Variants in PAX3 observed in about 807,000 individuals in gnomAD.
PAX3 encodes the protein paired box 3.
Under a neutral mutation model 51.6 loss-of-function variants are expected in PAX3, and 14 were observed. The observed-to-expected ratio is 0.27, with a 90% CI of 0.18 to 0.42. PAX3 has a LOEUF of 0.42. Among genes scored for constraint, PAX3 ranks in the 10% least tolerant of loss-of-function variants. The pLI is 1.00. For synonymous variants in PAX3, 280 were observed against 253.4 expected, an observed-to-expected ratio of 1.11 and a Z score of -1.00; for missense variants, 540 against 642.8, an observed-to-expected ratio of 0.84 and a Z score of 1.73.
At chr2:222,277,751 T>C (rs1254828970) in intron 4 of PAX3, among the ~76,000 whole-genome samples, 2 of 151,960 alleles carry the variant, frequency 1.3e-5, no homozygotes, top group Admixed American at 6.5e-5. Flanking sequence ...CTGGCCAACA[T>C]GGTGAAACCC....
chr2:222,295,524 G>A lies in PAX3; in HGVS notation c.451+4C>T, dbSNP rs1435720692. 6.2e-7 allele frequency: 1 copy of A among 1,614,222 alleles called. No homozygotes were observed. The highest frequency in any genetic ancestry group is 1.1e-5 in the South Asian group (1 of 91,082). ...CCTCGGGGAGAGGTTAATGGGCCTA[G>A]TACCTGACGGCACGGTGTTTCGATC... On this transcript the variant is annotated splice_donor_region_variant and intron_variant, in intron 3 of 8. Coordinates refer to ENST00000392070, the MANE Select transcript of PAX3 (RefSeq NM_181458.4).
At position 222,221,269 on chromosome 2, in the gene PAX3, G is replaced by A. The variant is rs372190620; in HGVS notation, c.911C>T (p.Thr304Met). ...FPPTAMPTLP[T>M]YQLSETSYQP... ...GTAAGAGGTCTCCGACAGCTGGTACGTTGGCAAGGTCGGCATGGCAGTGGG... is the reference window on the plus strand; with the variant it reads ...GTAAGAGGTCTCCGACAGCTGGTACATTGGCAAGGTCGGCATGGCAGTGGG... The change falls in exon 6 of 9, where the codon ACG becomes ATG. Residue 304 changes from threonine (T) to methionine (M), a missense_variant. Transcript: ENST00000392070. 8.7e-6 allele frequency: 14 copies of A among 1,613,922 alleles called. No homozygotes were observed. Among genetic ancestry groups the A allele is most frequent in the Admixed American group, 3.3e-5 (2 of 59,992 alleles).
chr2:222,295,976 C>G (rs1453928143), intron 2 of PAX3, among the ~76,000 whole-genome samples: 1 of 152,168 alleles, frequency 6.6e-6, no homozygotes, highest in Non-Finnish European at 1.5e-5. Flanking sequence ...GGAAATAAGG[C>G]AACTGCTTAC....
Position 222,201,749 on chromosome 2 carries a change from T to C in PAX3, c.1420+195A>G, listed in dbSNP as rs1402800416. 2.7e-6 allele frequency: 4 copies of C among 1,475,034 alleles called. No homozygotes were observed. In the East Asian group the frequency reaches 7.4e-5, roughly 27 times the overall value. 91.4% of individuals were successfully genotyped at this position (1,475,034 alleles called of 1,614,324 possible). A position where few individuals can be genotyped will look rare whatever the true frequency, so the allele number is the denominator to read the frequency against. On this transcript the variant is annotated intron_variant, in intron 8 of 8. Coordinates refer to ENST00000392070, the MANE Select transcript of PAX3 (RefSeq NM_181458.4). ...GTCTCAACAATTAATAACCGCAAGATGTTGTTGACATCAGTTAAGAAAATA... is the reference window on the plus strand; with the variant it reads ...GTCTCAACAATTAATAACCGCAAGACGTTGTTGACATCAGTTAAGAAAATA...
chr2:222,244,939 G>C (rs1268511602), intron 4 of PAX3, among the ~76,000 whole-genome samples: 1 of 152,060 alleles, frequency 6.6e-6, no homozygotes, highest in Non-Finnish European at 1.5e-5. Flanking sequence ...CTTGAGGCCA[G>C]AGGTATGAAA....
rs1450295162 is a variant in PAX3, at chr2:222,201,040, C to A, written c.*368G>T. The A allele has an allele frequency of 2.2e-6, 2 of 911,004 alleles. No individual in the cohort carries two copies. The highest frequency in any genetic ancestry group is 3.3e-5 in the African/African-American group (2 of 61,156). The allele number at this position is 911,004 out of a possible 1,614,324, so 56.4% of individuals were successfully genotyped here. On this transcript the variant is annotated 3_prime_UTR_variant, in exon 9 of 9. Transcript: ENST00000392070. Reference sequence around the variant, plus strand: ...CAGTCTGGGTAAATCTCAATACACACACACACACACACACGCACGCACGCA... The same window carrying A: ...CAGTCTGGGTAAATCTCAATACACAAACACACACACACACGCACGCACGCA...
intron 7 of PAX3, among the ~76,000 whole-genome samples, chr2:222,218,267 A>G (rs1312958128): frequency 6.6e-6 from 1 of 152,188 alleles, no homozygotes; most frequent in East Asian, 1.9e-4. Context: ...GAAGTCAAGG[A>G]TTAATAGTTA....
chr2:222,264,122 AAT>A (rs1165442361), intron 4 of PAX3: 2 of 152,258 alleles, frequency 1.3e-5, no homozygotes, highest in African/African-American at 4.8e-5. Context: ...CACTATTGAT[AAT>A]AGTCAAAAGG....
chr2:222,238,498 A>T (rs574283653), intron 4 of PAX3, among the ~76,000 whole-genome samples: 1 of 152,342 alleles, frequency 6.6e-6, no homozygotes, highest in African/African-American at 2.4e-5. Flanking sequence ...CTTTCTTCTC[A>T]GCAAGACGTT....
At chr2:222,242,267 G>A (rs1005078181) in intron 4 of PAX3, 2 of 152,070 alleles carry the variant, frequency 1.3e-5, no homozygotes, top group African/African-American at 4.8e-5. Context: ...GTTAACTAGA[G>A]GCAGAACACA....
Position 222,257,231 on chromosome 2 carries a change from A to C in PAX3, c.587-24948T>G, listed in dbSNP as rs142830131. Among the ~76,000 whole-genome samples the C allele has an allele frequency of 4.2e-3, 634 of 151,828 alleles. 3 individuals carry two copies. The highest frequency in any genetic ancestry group is 0.013 in the African/African-American group (530 of 41,454). On this transcript the variant is annotated intron_variant, in intron 4 of 8. Transcript: ENST00000392070. Reference sequence around the variant, plus strand: ...ATTTTTTTTTTTTGACCTTCAGATAAGTTTCTGTTCCTTCACACTCACTTA... The same window carrying C: ...ATTTTTTTTTTTTGACCTTCAGATACGTTTCTGTTCCTTCACACTCACTTA...
At chr2:222,221,160 A>G (rs1692176530) in intron 6 of PAX3, 62 bp downstream of exon 6, 4 of 1,506,616 alleles carry the variant, frequency 2.7e-6, no homozygotes, top group Middle Eastern at 1.7e-4. Context: ...ACTTGTATAA[A>G]ATATCCACCA....
intron 4 of PAX3, among the ~76,000 whole-genome samples, chr2:222,276,749 C>T (rs570513207): frequency 2.0e-5 from 3 of 152,358 alleles, no homozygotes; most frequent in East Asian, 1.9e-4. Context: ...AGCCTCCCTG[C>T]ATCCTCCAAT....
intron 1 of PAX3, chr2:222,298,108 A>AT: frequency 7.5e-6 from 1 of 133,916 alleles, no homozygotes; most frequent in Non-Finnish European, 1.7e-5. Context: ...TTGCAGGGCA[A>AT]AAAAAAAAAA....
At chr2:222,210,260 C>T (rs1203959222) in intron 7 of PAX3, among the ~76,000 whole-genome samples, 1 of 152,124 alleles carries the variant, frequency 6.6e-6, no homozygotes, top group African/African-American at 2.4e-5. Flanking sequence ...GAAAAATGCT[C>T]CTCAATTGAT....
intron 4 of PAX3, chr2:222,263,125 A>G (rs1693927263): frequency 1.3e-5 from 2 of 152,202 alleles, no homozygotes; most frequent in Non-Finnish European, 1.5e-5. Flanking sequence ...GACTTCATCA[A>G]AATAAAACTT....
At chr2:222,211,388 T>A (rs1198516391) in intron 7 of PAX3, among the ~76,000 whole-genome samples, 3 of 152,162 alleles carry the variant, frequency 2.0e-5, no homozygotes, top group African/African-American at 7.2e-5. Flanking sequence ...GTGCTGTCTT[T>A]AGATTAATGA....
At chr2:222,226,193 G>A (rs189983568) in intron 5 of PAX3, among the ~76,000 whole-genome samples, 208 of 152,300 alleles carry the variant, frequency 1.4e-3, no homozygotes, top group African/African-American at 4.6e-3. Context: ...ATTGTAAAAC[G>A]TTTGGTTAAA....
intron 4 of PAX3, among the ~76,000 whole-genome samples, chr2:222,265,444 G>A (rs1369565800): frequency 6.6e-6 from 1 of 152,150 alleles, no homozygotes; most frequent in Non-Finnish European, 1.5e-5. Flanking sequence ...ATGAGGTCAG[G>A]AGATCCAGAC....
Sources: gnomAD v4.1 joint callset for allele counts (sites outside exome capture counted in the v4.1 genomes callset) on GRCh38, gnomAD v4.1.1 for gene constraint, MANE v1.5 for transcripts, NCBI Gene and HGNC (gene_info 2026-07-23, HGNC 2026-07-21) for gene names.